The following RBFOX1 variants were observed in gnomAD, a reference collection of about 807,000 sequenced individuals.
RBFOX1 encodes the protein RNA binding fox-1 homolog 1.
RBFOX1 carries 8 observed loss-of-function variants against 57.7 expected under a neutral mutation model. That is an observed-to-expected ratio of 0.14 (90% CI 0.08 to 0.25). RBFOX1 has a LOEUF of 0.25. Among genes scored for constraint, RBFOX1 ranks in the 10% least tolerant of loss-of-function variants. The pLI, the probability that RBFOX1 is intolerant of heterozygous loss-of-function variation, is 1.00. For missense variants in RBFOX1, 611 were observed against 548.5 expected (o/e 1.11, Z -1.14); for synonymous variants, 326 against 222.4 (o/e 1.47, Z -4.15).
chr16:7,215,079 C>T (rs1180121975), intron 4 of RBFOX1, among the ~76,000 whole-genome samples: 2 of 152,130 alleles, frequency 1.3e-5, no homozygotes, highest in Non-Finnish European at 2.9e-5. Flanking sequence ...CGCGGACAGG[C>T]CCTGGTGTGT....
chr16:7,315,092 T>TA (rs1555699717), intron 4 of RBFOX1, among the ~76,000 whole-genome samples: 68,002 of 147,680 alleles, frequency 0.46, 17,556 homozygotes, highest in East Asian at 0.82. Context: ...AGAAAAGCTC[T>TA]TTTTTTTTTT....
rs188485642 is a variant in RBFOX1 at position 5,760,193 on chromosome 16, T to C, written c.319-107110T>C. ...GCCCGGAATGTTCCCAGTTTTATCA[T>C]TGAAAGTCCCACATTCTGGAGAAAC... On this transcript the variant is annotated intron_variant, in intron 3 of 19. Transcript: ENST00000641259. 1.1e-3 allele frequency among the ~76,000 whole-genome samples: 166 copies of C among 152,258 alleles called. 1 individual carries two copies. The highest frequency in any genetic ancestry group is 7.9e-3 in the Admixed American group (121 of 15,300).
intron 3 of RBFOX1, among the ~76,000 whole-genome samples, chr16:6,698,993 G>C (rs146395088): frequency 6.6e-6 from 1 of 152,194 alleles, no homozygotes; most frequent in Non-Finnish European, 1.5e-5. Flanking sequence ...TAAAGCTAGA[G>C]AATGTGGCGT....
At chr16:6,029,120 T>C (rs909456275) in intron 1 of RBFOX1, among the ~76,000 whole-genome samples, 2 of 152,168 alleles carry the variant, frequency 1.3e-5, no homozygotes, top group African/African-American at 4.8e-5. Flanking sequence ...ATTCAGACAA[T>C]AGCCTCTCAC....
chr16:7,123,584 C>G (rs1175710350), intron 4 of RBFOX1, among the ~76,000 whole-genome samples: 3 of 152,038 alleles, frequency 2.0e-5, no homozygotes, highest in African/African-American at 7.2e-5. Context: ...AGGTTGGTCT[C>G]AAATTCCTGG....
At position 5,719,858 on chromosome 16, in the gene RBFOX1, C is replaced by T. The variant is rs1489188561; in HGVS notation, c.318+120897C>T. ...TTGGCTATTATGAATAGTGCTGCTACGAACATTTGTGAACACGTTTTTATG... is the reference window on the plus strand; with the variant it reads ...TTGGCTATTATGAATAGTGCTGCTATGAACATTTGTGAACACGTTTTTATG... On this transcript the variant is annotated intron_variant, in intron 3 of 19. Transcript: ENST00000641259. Among the ~76,000 whole-genome samples, 8 of 152,244 alleles carry T rather than the reference C, an allele frequency of 5.3e-5. No homozygotes were observed. In the South Asian group the frequency reaches 6.2e-4, roughly 12 times the overall value.
intron 2 of RBFOX1, among the ~76,000 whole-genome samples, chr16:6,569,797 C>T (rs2097319200): frequency 6.6e-6 from 1 of 152,152 alleles, no homozygotes; most frequent in South Asian, 2.1e-4. Flanking sequence ...GGCTGAATTC[C>T]ACGGCTGTTT....
intron 1 of RBFOX1, among the ~76,000 whole-genome samples, chr16:6,197,397 C>T (rs1462370394): frequency 6.6e-6 from 1 of 152,112 alleles, no homozygotes; most frequent in Non-Finnish European, 1.5e-5. Context: ...GCAATCTGCA[C>T]CATGGTGAAT....
chr16:6,927,547 T>C (rs1426738333), intron 3 of RBFOX1, among the ~76,000 whole-genome samples: 1 of 152,020 alleles, frequency 6.6e-6, no homozygotes, highest in Admixed American at 6.6e-5. Context: ...TTTTGTTTTG[T>C]TTTGTTTTTC....
At chr16:6,001,598 A>G (rs59936469) in intron 4 of RBFOX1, among the ~76,000 whole-genome samples, 2,555 of 152,328 alleles carry the variant, frequency 0.017, 83 homozygotes, top group African/African-American at 0.057. Context: ...TTTAGATACT[A>G]CAGAGACAAG....
At chr16:6,932,974 T>C (rs1435568132) in intron 3 of RBFOX1, among the ~76,000 whole-genome samples, 2 of 152,228 alleles carry the variant, frequency 1.3e-5, no homozygotes, top group African/African-American at 4.8e-5. Context: ...TAGTATCTCA[T>C]GTAAGTGGAA....
chr16:5,454,862 C>CT (rs1555524112), intron 1 of RBFOX1, among the ~76,000 whole-genome samples: 3 of 21,306 alleles, frequency 1.4e-4, no homozygotes, highest in Non-Finnish European at 2.2e-4. Flanking sequence ...TCTTTTCTTT[C>CT]TTTCTTTCTT....
chr16:6,208,241 A>G (rs1162363456), intron 1 of RBFOX1, among the ~76,000 whole-genome samples: 1 of 152,068 alleles, frequency 6.6e-6, no homozygotes, highest in Non-Finnish European at 1.5e-5. Context: ...TGAGTGATAC[A>G]TATTTCTGGG....
At chr16:6,437,481 A>C (rs77157952) in intron 2 of RBFOX1, among the ~76,000 whole-genome samples, 1,957 of 152,172 alleles carry the variant, frequency 0.013, 40 homozygotes, top group African/African-American at 0.044. Flanking sequence ...GTATTTCACA[A>C]CCCACTGACA....
chr16:7,009,409 C>T (rs181066208), intron 3 of RBFOX1, among the ~76,000 whole-genome samples: 9 of 151,856 alleles, frequency 5.9e-5, no homozygotes, highest in Non-Finnish European at 1.0e-4. Context: ...GCCACTGTGA[C>T]AAATCCACAG....
intron 4 of RBFOX1, among the ~76,000 whole-genome samples, chr16:7,337,316 G>C (rs1346653175): frequency 1.3e-5 from 2 of 152,190 alleles, no homozygotes; most frequent in Non-Finnish European, 2.9e-5. Flanking sequence ...TTAGAGTCGG[G>C]AAGAGGGTGG....
chr16:5,711,829 C>T (rs528784027), intron 3 of RBFOX1, among the ~76,000 whole-genome samples: 1 of 152,160 alleles, frequency 6.6e-6, no homozygotes, highest in Non-Finnish European at 1.5e-5. Flanking sequence ...TGGAGACTTT[C>T]CAGAAAATGA....
At chr16:6,789,146 C>G (rs1412843355) in intron 3 of RBFOX1, among the ~76,000 whole-genome samples, 1 of 136,452 alleles carries the variant, frequency 7.3e-6, no homozygotes, top group Non-Finnish European at 1.5e-5. Flanking sequence ...ACCGCCTGCC[C>G]ACTGCTTGTG....
At chr16:5,951,628 C>A (rs1379576016) in intron 4 of RBFOX1, among the ~76,000 whole-genome samples, 2 of 152,016 alleles carry the variant, frequency 1.3e-5, no homozygotes, top group Non-Finnish European at 2.9e-5. Flanking sequence ...CAGAAACCCC[C>A]ACACCACTTA....
Sources: allele counts gnomAD v4.1 joint callset (sites outside exome capture counted in the v4.1 genomes callset), GRCh38; gene constraint gnomAD v4.1.1; transcripts MANE v1.5; gene names NCBI Gene and HGNC (gene_info 2026-07-23, HGNC 2026-07-21).